Variants in MYO3B observed in about 807,000 individuals in gnomAD.
MYO3B encodes myosin-IIIb.
A neutral mutation model predicts 174.6 loss-of-function variants in MYO3B; 156 were observed. The ratio of observed to expected loss-of-function variants is 0.89; its 90% CI spans 0.78 to 1.02. The LOEUF (loss-of-function observed/expected upper bound fraction) is 1.02. Ranked by LOEUF, MYO3B falls within the 50% of genes least tolerant of loss-of-function variation. The pLI is 0.00. For missense variants in MYO3B, 1,632 were observed against 1,639.4 expected (o/e 1.00, Z 0.08); for synonymous variants, 563 against 569.1 (o/e 0.99, Z 0.15).
At chr2:170,471,040 G>A (rs768093939) in intron 25 of MYO3B, among the ~76,000 whole-genome samples, 5 of 149,342 alleles carry the variant, frequency 3.3e-5, no homozygotes, top group African/African-American at 4.9e-5. Context: ...TCACTCTATG[G>A]GTTGTTTTCT....
At chr2:170,405,700 T>G (rs2105808934) in intron 21 of MYO3B, 67 bp downstream of exon 21, 2 of 1,218,364 alleles carry the variant, frequency 1.6e-6, no homozygotes, top group Non-Finnish European at 2.4e-6. Flanking sequence ...TTACCCTGTC[T>G]GTGCTGCTCA....
At chr2:170,269,614 A>G (rs148111378) in intron 7 of MYO3B, among the ~76,000 whole-genome samples, 1 of 152,336 alleles carries the variant, frequency 6.6e-6, no homozygotes, top group East Asian at 1.9e-4. Flanking sequence ...ATCTATAGGC[A>G]TGCCACGTAA....
chr2:170,237,652 T>A (rs1205855282), intron 7 of MYO3B, among the ~76,000 whole-genome samples: 1 of 152,202 alleles, frequency 6.6e-6, no homozygotes, highest in Non-Finnish European at 1.5e-5. Flanking sequence ...ACCACTCATC[T>A]CTTCCATCTT....
intron 30 of MYO3B, among the ~76,000 whole-genome samples, chr2:170,525,681 G>A (rs79257914): frequency 0.027 from 4,095 of 152,254 alleles, 177 homozygotes; most frequent in African/African-American, 0.093. Flanking sequence ...CTCACAAGGG[G>A]AAAACAAGTG....
chr2:170,294,102 C>T (rs753281614), intron 7 of MYO3B, among the ~76,000 whole-genome samples: 3 of 151,988 alleles, frequency 2.0e-5, no homozygotes, highest in Admixed American at 1.3e-4. Context: ...TTATCTGTTT[C>T]GTCTTACCTA....
intron 8 of MYO3B, chr2:170,340,294 T>C (rs1003060444): frequency 1.3e-5 from 2 of 152,178 alleles, no homozygotes; most frequent in Non-Finnish European, 2.9e-5. Flanking sequence ...ATTGAGACAA[T>C]CAAGATGGAT....
chr2:170,359,077 T>C (rs995269201), intron 8 of MYO3B, among the ~76,000 whole-genome samples: 13 of 152,308 alleles, frequency 8.5e-5, no homozygotes, highest in African/African-American at 2.9e-4. Context: ...AGGGTAATGA[T>C]GGTCATTAGT....
chr2:170,419,948 G>A (rs942526274), intron 22 of MYO3B, among the ~76,000 whole-genome samples: 3 of 152,204 alleles, frequency 2.0e-5, no homozygotes, highest in Non-Finnish European at 4.4e-5. Flanking sequence ...ACTTTGGGAG[G>A]CCGAGACAGG....
intron 32 of MYO3B, among the ~76,000 whole-genome samples, chr2:170,577,093 A>T (rs1692832507): frequency 7.8e-6 from 1 of 128,064 alleles, no homozygotes; most frequent in Non-Finnish European, 1.7e-5. Context: ...TCAGCCTCTA[A>T]TTCAGTGGAA....
At chr2:170,550,827 G>A (rs1690828152) in intron 32 of MYO3B, among the ~76,000 whole-genome samples, 1 of 152,028 alleles carries the variant, frequency 6.6e-6, no homozygotes, top group South Asian at 2.1e-4. Context: ...GAAGAGGGTG[G>A]GAGTGTTCCA....
At chr2:170,486,520 C>T (rs189283219) in intron 25 of MYO3B, among the ~76,000 whole-genome samples, 82 of 152,194 alleles carry the variant, frequency 5.4e-4, no homozygotes, top group Non-Finnish European at 9.1e-4. Context: ...AGGCTGGTCT[C>T]GAACTCCTGA....
chr2:170,217,482 G>T lies in MYO3B; in HGVS notation c.603+87G>T, dbSNP rs1015573152. The T allele has an allele frequency of 7.1e-6, 8 of 1,130,684 alleles. No individual in the cohort carries two copies. In the Admixed American group the frequency reaches 1.0e-4, roughly 14 times the overall value. 70.0% of individuals were successfully genotyped at this position (1,130,684 alleles called of 1,614,324 possible). ...TTATGGGTAAGTCATATGCTTTGCAGAATTTTTAGGGAGAAGAAAGTCCAT... is the reference window on the plus strand; with the variant it reads ...TTATGGGTAAGTCATATGCTTTGCATAATTTTTAGGGAGAAGAAAGTCCAT... On this transcript the variant is annotated intron_variant, in intron 6 of 34. Transcript: ENST00000408978.
chr2:170,506,576 A>C (rs1289341653), intron 28 of MYO3B, among the ~76,000 whole-genome samples: 1 of 152,246 alleles, frequency 6.6e-6, no homozygotes. Context: ...CAAATTATCC[A>C]ACTCCAATAC....
intron 1 of MYO3B, among the ~76,000 whole-genome samples, chr2:170,185,413 A>G (rs183192349): frequency 1.9e-4 from 29 of 152,248 alleles, no homozygotes; most frequent in African/African-American, 6.0e-4. Flanking sequence ...CCTTTCCTCA[A>G]TGTATGTTTG....
chr2:170,649,123 TGTATATAAAATAATATATAA>T, intron 32 of MYO3B, among the ~76,000 whole-genome samples: 1 of 51,718 alleles, frequency 1.9e-5, no homozygotes, highest in Non-Finnish European at 3.1e-5. Context: ...TAATATATAA[TGTATATAAAATAATATATAA>T]TATATTATAT....
rs562739358 is a variant in MYO3B at position 170,440,711 on chromosome 2, C to T, written c.2651-3256C>T. On this transcript the variant is annotated intron_variant, in intron 22 of 34. Transcript: ENST00000408978. ...GAGGTTGCAGTGAGCTGAGATCACA[C>T]CACTGCACTTCAGCCAGGGCAACAG... Among the ~76,000 whole-genome samples, 134 of 149,600 alleles carry T rather than the reference C, an allele frequency of 9.0e-4. No homozygotes were observed. The Middle Eastern group carries it at 0.028, about 32-fold the overall frequency.
intron 3 of MYO3B, among the ~76,000 whole-genome samples, chr2:170,208,477 A>G (rs1215712705): frequency 1.3e-5 from 2 of 152,136 alleles, no homozygotes; most frequent in African/African-American, 4.8e-5. Flanking sequence ...TTTATATCCT[A>G]TTTATTCCCA....
At chr2:170,479,560 G>T (rs1685547584) in intron 25 of MYO3B, among the ~76,000 whole-genome samples, 1 of 144,110 alleles carries the variant, frequency 6.9e-6, no homozygotes, top group Non-Finnish European at 1.5e-5. Flanking sequence ...TTATATAAAT[G>T]TATGTTTTAT....
At chr2:170,638,258 A>G (rs1270405417) in intron 32 of MYO3B, among the ~76,000 whole-genome samples, 1 of 152,126 alleles carries the variant, frequency 6.6e-6, no homozygotes, top group East Asian at 1.9e-4. Context: ...ATATTAATCT[A>G]TACACTGCAG....
Sources: allele counts gnomAD v4.1 joint callset (sites outside exome capture counted in the v4.1 genomes callset), GRCh38; gene constraint gnomAD v4.1.1; transcripts MANE v1.5; gene names NCBI Gene and HGNC (gene_info 2026-07-23, HGNC 2026-07-21).